Variants in LEPR observed in about 807,000 individuals in gnomAD.
The protein encoded by LEPR is leptin receptor.
In LEPR, 56 loss-of-function variants were observed where a neutral mutation model predicts 114.7. That is an observed-to-expected ratio of 0.49 (90% CI 0.39 to 0.61). The LOEUF is 0.61. Among genes scored for constraint, LEPR ranks in the 20% least tolerant of loss-of-function variants. The pLI is 0.00. For missense variants in LEPR, 1,202 were observed against 1,352.9 expected (o/e 0.89, Z 1.75); for synonymous variants, 443 against 461.4 (o/e 0.96, Z 0.51).
chr1:65,541,031 C>T (rs1557649369), intron 2 of LEPR, among the ~76,000 whole-genome samples: 1 of 152,062 alleles, frequency 6.6e-6, no homozygotes, highest in African/African-American at 2.4e-5. Context: ...GGGGTTTTTC[C>T]AGGCTGGTCT....
At chr1:65,456,367 T>A (rs1646876401) in intron 2 of LEPR, among the ~76,000 whole-genome samples, 1 of 152,158 alleles carries the variant, frequency 6.6e-6, no homozygotes. Context: ...ACTTTGTCCT[T>A]ACTGGTTTTA....
chr1:65,581,462 T>C (rs909115749), intron 5 of LEPR, among the ~76,000 whole-genome samples: 4 of 147,338 alleles, frequency 2.7e-5, no homozygotes, highest in Non-Finnish European at 4.5e-5. Context: ...TTTTTTTTTT[T>C]CCATTTTGTT....
At chr1:65,432,063 C>T in intron 2 of LEPR, 2 of 1,352,614 alleles carry the variant, frequency 1.5e-6, no homozygotes, top group Non-Finnish European at 9.5e-7. Flanking sequence ...AGAAAGACTT[C>T]ATAAGTAGGA....
intron 5 of LEPR, among the ~76,000 whole-genome samples, chr1:65,584,258 C>T (rs549474549): frequency 4.9e-4 from 75 of 152,150 alleles, no homozygotes; most frequent in African/African-American, 7.5e-4. Flanking sequence ...AAGGAGCCAT[C>T]GTTCCTTTTG....
chr1:65,456,099 C>A (rs1049906995), intron 2 of LEPR, among the ~76,000 whole-genome samples: 9 of 152,200 alleles, frequency 5.9e-5, no homozygotes, highest in Non-Finnish European at 1.3e-4. Flanking sequence ...TCCCTGACCC[C>A]TTGCGCTTCC....
Position 65,633,378 on chromosome 1 carries a change from G to C in LEPR, c.2674-2813G>C. On this transcript the variant is annotated intron_variant, in intron 19 of 19. Transcript: ENST00000349533. This position sits in a 1 kb window ranked among gnomAD's most constrained non-coding sequence, Gnocchi z 4.1. ...GGTTCAAAATGTAGATTTGAGTCCA[G>C]TTTGGATGTGTGATTAATTTTCAAA... The C allele has an allele frequency of 2.3e-6, 3 of 1,325,866 alleles. No individual in the cohort carries two copies. The highest frequency in any genetic ancestry group is 2.9e-6 in the Non-Finnish European group (3 of 1,039,682). 82.1% of individuals were successfully genotyped at this position (1,325,866 alleles called of 1,614,324 possible). A position where few individuals can be genotyped will look rare whatever the true frequency, so the allele number is the denominator to read the frequency against.
At position 65,461,162 on chromosome 1, in the gene LEPR, A is replaced by G. The variant is rs181065857; in HGVS notation, c.-21+35784A>G. On this transcript the variant is annotated intron_variant, in intron 2 of 19. Transcript: ENST00000349533. ...GCCAAATTTTGTATTTTTAGTAAAG[A>G]TGGGGTTTTACCATGTTGGCCAGGC... is the stretch of plus-strand genomic sequence containing the variant. 1.4e-4 allele frequency among the ~76,000 whole-genome samples: 21 copies of G among 151,488 alleles called. No individual in the cohort carries two copies. In the East Asian group the frequency reaches 2.8e-3, roughly 20 times the overall value.
chr1:65,490,707 C>A (rs866393571), intron 2 of LEPR, among the ~76,000 whole-genome samples: 1 of 152,036 alleles, frequency 6.6e-6, no homozygotes, highest in African/African-American at 2.4e-5. Flanking sequence ...AAGCATTTTA[C>A]GGAAAATGGC....
chr1:65,432,909 TA>T (rs1166972990), intron 2 of LEPR: 23 of 934,068 alleles, frequency 2.5e-5, no homozygotes, highest in Non-Finnish European at 2.9e-5. Context: ...TTGTACCCTA[TA>T]AAAATATACA....
At chr1:65,518,901 CTTTCTTTCTTTCTTTCTCTCTT>C (rs1557636248) in intron 2 of LEPR, among the ~76,000 whole-genome samples, 1,479 of 93,910 alleles carry the variant, frequency 0.016, 23 homozygotes, top group African/African-American at 0.047. Context: ...TTCTTTCTTT[CTTTCTTTCTTTCTTTCTCTCTT>C]TCTCTGTTTC....
chr1:65,495,249 G>C (rs1648093961), intron 2 of LEPR, among the ~76,000 whole-genome samples: 1 of 151,910 alleles, frequency 6.6e-6, no homozygotes, highest in African/African-American at 2.4e-5. Flanking sequence ...GACCTAAATA[G>C]ACATTTCTGA....
intron 2 of LEPR, among the ~76,000 whole-genome samples, chr1:65,472,647 C>CACAT (rs1557611388): frequency 6.9e-6 from 1 of 144,534 alleles, no homozygotes; most frequent in East Asian, 2.0e-4. Flanking sequence ...CACACACACA[C>CACAT]ATATATTTCT....
In LEPR at chr1:65,570,758, A is replaced by G. The variant is rs1137100; in HGVS notation, c.326A>G (p.Lys109Arg). 0.27 allele frequency: 430,649 copies of G among 1,577,920 alleles called. 67,595 individuals carry two copies. The highest frequency in any genetic ancestry group is 0.8 in the East Asian group (35,540 of 44,296). Reference protein sequence around the residue: ...CSLCADNIEGKTFVSTVNSLV... With the variant: ...CSLCADNIEGRTFVSTVNSLV... Reference sequence around the variant, plus strand: ...TTATGTGCAGACAACATTGAAGGAAAGACATTTGTTTCAACAGTAAATTCT... The same window carrying G: ...TTATGTGCAGACAACATTGAAGGAAGGACATTTGTTTCAACAGTAAATTCT... The change falls in exon 4 of 20, where the codon AAG (lysine) becomes AGG (arginine). Residue 109 changes from lysine to arginine, a missense_variant. Transcript: ENST00000349533.
chr1:65,627,013 A>C (rs1181453900), intron 19 of LEPR, among the ~76,000 whole-genome samples: 3 of 152,176 alleles, frequency 2.0e-5, no homozygotes, highest in African/African-American at 7.2e-5. Context: ...CAAATTTACC[A>C]TCCACCCTAT....
At chr1:65,438,110 C>T (rs1025195394) in intron 2 of LEPR, among the ~76,000 whole-genome samples, 4 of 127,542 alleles carry the variant, frequency 3.1e-5, no homozygotes, top group African/African-American at 9.4e-5. Context: ...GGCTCCTAGC[C>T]GCCTTTTTTT....
chr1:65,567,197 A>G (rs941873217), intron 3 of LEPR, among the ~76,000 whole-genome samples: 1 of 152,204 alleles, frequency 6.6e-6, no homozygotes, highest in Non-Finnish European at 1.5e-5. Flanking sequence ...TTGCATGTGG[A>G]TAAAATAGAC....
Position 65,637,536 on chromosome 1 carries a change from A to C in LEPR, c.*521A>C, listed in dbSNP as rs1033100935. 1.3e-5 allele frequency: 2 copies of C among 153,386 alleles called. No individual in the cohort carries two copies. Among genetic ancestry groups the C allele is most frequent in the Non-Finnish European group, 2.9e-5 (2 of 68,800 alleles). 9.5% of individuals were successfully genotyped at this position (153,386 alleles called of 1,614,324 possible). ...TTATACTTGTGAAGACTAATGAGCC[A>C]ATTGTTATGTACCAAATCTAAGATA... On this transcript the variant is annotated 3_prime_UTR_variant, in exon 20 of 20. Coordinates refer to ENST00000349533, the MANE Select transcript of LEPR (RefSeq NM_002303.6).
intron 2 of LEPR, among the ~76,000 whole-genome samples, chr1:65,492,245 C>G (rs921370872): frequency 6.6e-6 from 1 of 152,112 alleles, no homozygotes; most frequent in Non-Finnish European, 1.5e-5. Context: ...TATTCTTTCT[C>G]CACTTCCAAT....
chr1:65,623,555 A>G (rs555832802), intron 19 of LEPR, among the ~76,000 whole-genome samples: 2 of 152,262 alleles, frequency 1.3e-5, no homozygotes, highest in East Asian at 3.9e-4. Flanking sequence ...GAAAGCTCTA[A>G]ATTTAGTGAC....
Sources: gnomAD v4.1 joint callset for allele counts (sites outside exome capture counted in the v4.1 genomes callset) on GRCh38, gnomAD v4.1.1 for gene constraint, Gnocchi (gnomAD v3.1) non-coding constraint, MANE v1.5 for transcripts, NCBI Gene and HGNC (gene_info 2026-07-23, HGNC 2026-07-21) for gene names.